Variants in PIK3C2B observed in about 807,000 individuals in gnomAD.
PIK3C2B encodes the protein phosphatidylinositol 4-phosphate 3-kinase C2 domain-containing subunit beta.
Under a neutral mutation model 184.3 loss-of-function variants are expected in PIK3C2B, and 83 were observed. That is an observed-to-expected ratio of 0.45 (90% CI 0.38 to 0.54). PIK3C2B has a LOEUF of 0.54. Among genes scored for constraint, PIK3C2B ranks in the 20% least tolerant of loss-of-function variants. The pLI, the probability that PIK3C2B is intolerant of heterozygous loss-of-function variation, is 0.00. For synonymous variants in PIK3C2B, 779 were observed against 837.6 expected, an observed-to-expected ratio of 0.93 and a Z score of 1.21; for missense variants, 1,736 against 2,113.5, an observed-to-expected ratio of 0.82 and a Z score of 3.50.
intron 1 of PIK3C2B, among the ~76,000 whole-genome samples, chr1:204,493,525 A>ACACACACG (rs1491435137): frequency 4.2e-4 from 1 of 2,370 alleles, no homozygotes; most frequent in Non-Finnish European, 8.5e-3. Flanking sequence ...ATGGCAGAAA[A>ACACACACG]CACACACACA....
At chr1:204,425,853 G>T (rs549012056) in intron 31 of PIK3C2B, 112 bp from the exon 32 acceptor site, 2 of 923,172 alleles carry the variant, frequency 2.2e-6, no homozygotes, top group Non-Finnish European at 3.4e-6. Context: ...CTGGCATCTT[G>T]CAATGCACAA....
chr1:204,432,436 G>C (rs1454836184), intron 26 of PIK3C2B, 35 bp from the exon 27 acceptor site: 1 of 1,577,018 alleles, frequency 6.3e-7, no homozygotes, highest in Non-Finnish European at 8.7e-7. Context: ...ATATAACCAT[G>C]AACCCAAATT....
intron 1 of PIK3C2B, among the ~76,000 whole-genome samples, chr1:204,478,822 T>C (rs866801330): frequency 2.6e-5 from 4 of 152,238 alleles, no homozygotes; most frequent in African/African-American, 9.6e-5. Flanking sequence ...GAAGTCTTTC[T>C]GGGTCCTAGA....
rs1655242348 is a variant in PIK3C2B at position 204,460,543 on chromosome 1, C to T, written c.1422+7G>A. ...CCTGGGCAACCCTCCACCACCCTCA[C>T]ACGAACCGTCCGGGCCAGGTCACTG... On this transcript the variant is annotated splice_region_variant and intron_variant, in intron 6 of 32. Transcript: ENST00000684373. The T allele has an allele frequency of 6.2e-7, 1 of 1,611,230 alleles. No homozygotes were observed. Among genetic ancestry groups the T allele is most frequent in the Non-Finnish European group, 8.5e-7 (1 of 1,177,446 alleles).
chr1:204,494,092 G>A (rs993246295), intron 1 of PIK3C2B, among the ~76,000 whole-genome samples: 20 of 152,196 alleles, frequency 1.3e-4, no homozygotes, highest in African/African-American at 4.3e-4. Flanking sequence ...GTGGGGACGC[G>A]GGTGCCTGGA....
chr1:204,469,438 G>A lies in PIK3C2B; in HGVS notation c.365C>T (p.Ser122Phe). 2 of 1,571,782 alleles carry A rather than the reference G, an allele frequency of 1.3e-6. No individual in the cohort carries two copies. The highest frequency in any genetic ancestry group is 1.7e-6 in the Non-Finnish European group (2 of 1,163,616). The stretch of plus-strand genomic sequence containing the variant: ...AATGTAGAGATAGTCTCCAGACAGG[G>A]AGCCTTTGGGCCAGGGATCTGAGCC... ...QPGSDPWPKG[S>F]LSGDYLYIFD... is the part of the protein sequence containing the mutation. Residue 122 changes from serine (S) to phenylalanine (F), a missense_variant, in exon 2 of 33, where the codon TCC becomes TTC. Physicochemically the swap from Ser to Phe is radical, Grantham distance 155. Coordinates refer to ENST00000684373, the MANE Select transcript of PIK3C2B (RefSeq NM_001377334.1).
intron 31 of PIK3C2B, 152 bp from the exon 32 acceptor site, chr1:204,425,893 T>G (rs1188500047): frequency 2.9e-5 from 20 of 678,464 alleles, no homozygotes; most frequent in Non-Finnish European, 4.5e-5. Flanking sequence ...CCAAGCTCAC[T>G]CTATTCTGAT....
chr1:204,444,428 C>A lies in PIK3C2B; in HGVS notation c.2679-4G>T. On this transcript the variant is annotated splice_region_variant and splice_polypyrimidine_tract_variant and intron_variant, in intron 16 of 32. Coordinates refer to ENST00000684373, the MANE Select transcript of PIK3C2B (RefSeq NM_001377334.1). ...ACGCACCTCCTGGTCCGGGAAGCTG[C>A]AAAACAGAGCCCAGTGCCCTGACAA... 1 of 1,609,406 alleles carries A rather than the reference C, an allele frequency of 6.2e-7. No homozygotes were observed. The highest frequency in any genetic ancestry group is 1.1e-5 in the South Asian group (1 of 90,488).
At chr1:204,459,775 C>A (rs1655171775) in intron 8 of PIK3C2B, 103 bp downstream of exon 8, 1 of 955,878 alleles carries the variant, frequency 1.0e-6, no homozygotes, top group Non-Finnish European at 1.7e-6. Context: ...GATTTTCAGG[C>A]TCCACCCAGA....
rs1433457816 is a variant in PIK3C2B, at chr1:204,464,653, T to C, written c.1035-49A>G. 3.2e-6 allele frequency: 5 copies of C among 1,564,968 alleles called. No homozygotes were observed. In the South Asian group the frequency reaches 5.7e-5, roughly 18 times the overall value. On this transcript the variant is annotated intron_variant, in intron 3 of 32. Coordinates refer to ENST00000684373, the MANE Select transcript of PIK3C2B (RefSeq NM_001377334.1). Reference sequence around the variant, plus strand: ...TCACTGTGCCTTTAGAAGAGAGTAGTCAAGAAGACATCTGTTGGGAACCTC... The same window carrying C: ...TCACTGTGCCTTTAGAAGAGAGTAGCCAAGAAGACATCTGTTGGGAACCTC...
intron 32 of PIK3C2B, among the ~76,000 whole-genome samples, chr1:204,425,306 A>C (rs1443545340): frequency 3.3e-5 from 5 of 152,164 alleles, no homozygotes; most frequent in Non-Finnish European, 7.4e-5. Flanking sequence ...CAGGACCAGC[A>C]GGCTTCTCCT....
chr1:204,424,539 T>C lies in PIK3C2B; in HGVS notation c.*313A>G, dbSNP rs1180814711. On this transcript the variant is annotated 3_prime_UTR_variant, in exon 33 of 33. Coordinates refer to ENST00000684373, the MANE Select transcript of PIK3C2B (RefSeq NM_001377334.1). ...CACCCACCCCCAAAATGCTACTTCA[T>C]ACAGCCCACCCCACACACTCCCCAA... is the stretch of plus-strand genomic sequence containing the variant. The C allele has an allele frequency of 3.0e-6, 1 of 335,786 alleles. No individual in the cohort carries two copies. Among genetic ancestry groups the C allele is most frequent in the Non-Finnish European group, 5.9e-6 (1 of 170,190 alleles). The allele number at this position is 335,786 out of a possible 1,614,324, so 20.8% of individuals were successfully genotyped here. A position where few individuals can be genotyped will look rare whatever the true frequency, so the allele number is the denominator to read the frequency against.
In PIK3C2B at chr1:204,456,890, ACACACACACACACACACC is replaced by A. The variant is rs1413651331; in HGVS notation, c.1747+129_1747+146del. On this transcript the variant is annotated intron_variant, in intron 10 of 32. Coordinates refer to ENST00000684373, the MANE Select transcript of PIK3C2B (RefSeq NM_001377334.1). ...CATATAGGAACACACACACACACAC[ACACACACACACACACACC>A]CACACACACACACACACCAGCCGAA... 1.2e-4 allele frequency: 64 copies of A among 519,386 alleles called. 1 individual carries two copies. The highest frequency in any genetic ancestry group is 1.0e-3 in the African/African-American group (41 of 40,942). 32.2% of individuals were successfully genotyped at this position (519,386 alleles called of 1,614,324 possible).
chr1:204,473,676 C>T lies in PIK3C2B; in HGVS notation c.-84-3790G>A, dbSNP rs1270654278. Among the ~76,000 whole-genome samples the T allele has an allele frequency of 6.6e-5, 10 of 152,348 alleles. No homozygotes were observed. In the South Asian group the frequency reaches 1.0e-3, roughly 16 times the overall value. ...AGGCACTATTGTGAGAAGGAAAATT[C>T]AGGCCATTGGAAATAATCTTTTTCA... On this transcript the variant is annotated intron_variant, in intron 1 of 32. Coordinates refer to ENST00000684373, the MANE Select transcript of PIK3C2B (RefSeq NM_001377334.1).
chr1:204,426,329 G>A (rs1023093893), intron 31 of PIK3C2B, among the ~76,000 whole-genome samples: 9 of 152,162 alleles, frequency 5.9e-5, no homozygotes, highest in African/African-American at 1.7e-4. Context: ...TTGCTCCATC[G>A]GCTTCAGCCG....
At chr1:204,473,322 G>A (rs1417735039) in intron 1 of PIK3C2B, among the ~76,000 whole-genome samples, 2 of 152,246 alleles carry the variant, frequency 1.3e-5, no homozygotes, top group Non-Finnish European at 2.9e-5. Flanking sequence ...CCCAAGCCCA[G>A]CCTCAGAGTA....
chr1:204,454,903 T>C (rs1276655550), intron 11 of PIK3C2B, 112 bp from the exon 12 acceptor site: 3 of 1,232,312 alleles, frequency 2.4e-6, no homozygotes, highest in East Asian at 2.4e-5. Context: ...TCTCAGTCTC[T>C]GAGGGCTGTA....
intron 1 of PIK3C2B, among the ~76,000 whole-genome samples, chr1:204,489,447 A>G (rs1657858722): frequency 6.6e-6 from 1 of 151,802 alleles, no homozygotes; most frequent in Admixed American, 6.6e-5. Flanking sequence ...CTGAGATTAC[A>G]GCATAAGCCA....
At chr1:204,481,535 G>T (rs1001730806) in intron 1 of PIK3C2B, among the ~76,000 whole-genome samples, 2 of 152,122 alleles carry the variant, frequency 1.3e-5, no homozygotes, top group Non-Finnish European at 2.9e-5. Flanking sequence ...GGGATTACAG[G>T]CATGAGCCAC....
Sources: allele counts gnomAD v4.1 joint callset (sites outside exome capture counted in the v4.1 genomes callset), GRCh38; gene constraint gnomAD v4.1.1; transcripts MANE v1.5; gene names NCBI Gene and HGNC (gene_info 2026-07-23, HGNC 2026-07-21).